Variants in FAM53B observed in about 807,000 individuals in gnomAD.
FAM53B encodes protein FAM53B.
FAM53B carries 12 observed loss-of-function variants against 32.7 expected under a neutral mutation model. The ratio of observed to expected loss-of-function variants is 0.37; its 90% CI spans 0.24 to 0.59. The LOEUF (loss-of-function observed/expected upper bound fraction) is 0.59. Among genes scored for constraint, FAM53B ranks in the 20% least tolerant of loss-of-function variants. The probability of loss-of-function intolerance (pLI) is 0.72; values close to 1 mark genes in which losing one functional copy is unlikely to be tolerated. For missense variants in FAM53B, 477 were observed against 577.7 expected, an observed-to-expected ratio of 0.83 and a Z score of 1.79; for synonymous variants, 234 against 228.7, an observed-to-expected ratio of 1.02 and a Z score of -0.21.
At position 124,681,919 on chromosome 10, in the gene FAM53B, C is replaced by T. The variant is rs1424789362; in HGVS notation, c.594G>A (p.Val198=). 1 of 1,613,984 alleles carries T rather than the reference C, an allele frequency of 6.2e-7. No homozygotes were observed. The highest frequency in any genetic ancestry group is 2.2e-5 in the East Asian group (1 of 44,888). The change falls in exon 4 of 5, where the codon GTG becomes GTA. Residue 198 remains valine (V), a synonymous_variant. Coordinates refer to ENST00000337318, the MANE Select transcript of FAM53B (RefSeq NM_014661.4). The stretch of plus-strand genomic sequence containing the variant: ...CCTGTCCACACGGGGCTGAGCCTGG[C>T]ACCCCTTGGCAGGGCTGCCCTCCAA... The part of the protein sequence containing the change: ...HRFGGQPCQG[V]PGSAPCGQAG...
intron 4 of FAM53B, among the ~76,000 whole-genome samples, chr10:124,674,499 T>C (rs1949725615): frequency 6.6e-6 from 1 of 152,202 alleles, no homozygotes; most frequent in African/African-American, 2.4e-5. Flanking sequence ...TTGTCCAGGA[T>C]GAGGATGGGG....
At chr10:124,705,113 C>A (rs1949944038) in intron 2 of FAM53B, among the ~76,000 whole-genome samples, 1 of 152,224 alleles carries the variant, frequency 6.6e-6, no homozygotes, top group South Asian at 2.1e-4. Flanking sequence ...GAGTCCCTAT[C>A]CTTGCAGCTG....
At chr10:124,740,474 G>C (rs954901054) in intron 1 of FAM53B, among the ~76,000 whole-genome samples, 1 of 152,182 alleles carries the variant, frequency 6.6e-6, no homozygotes, top group Admixed American at 6.5e-5. Flanking sequence ...TTCTAAGCAA[G>C]TCTCAGGGTA....
chr10:124,659,328 A>ATCTT (rs1949614350), intron 4 of FAM53B, among the ~76,000 whole-genome samples: 1 of 152,258 alleles, frequency 6.6e-6, no homozygotes, highest in Non-Finnish European at 1.5e-5. Context: ...AAAGGGAGAG[A>ATCTT]TACAACTGAT....
At chr10:124,719,637 T>C (rs754587833) in intron 1 of FAM53B, among the ~76,000 whole-genome samples, 4 of 152,236 alleles carry the variant, frequency 2.6e-5, no homozygotes, top group Non-Finnish European at 5.9e-5. Context: ...TAGCTGTCAC[T>C]GTCCCCCTAG....
chr10:124,632,738 G>T (rs544582480), intron 4 of FAM53B, among the ~76,000 whole-genome samples: 6 of 152,240 alleles, frequency 3.9e-5, no homozygotes, highest in Admixed American at 1.3e-4. Context: ...AGCCACTCTT[G>T]CAGATGAGCA....
At chr10:124,639,413 T>A (rs1283509387) in intron 4 of FAM53B, among the ~76,000 whole-genome samples, 1 of 152,076 alleles carries the variant, frequency 6.6e-6, no homozygotes, top group Non-Finnish European at 1.5e-5. Context: ...GACACAGAAA[T>A]AGAAAATCTG....
At chr10:124,727,334 G>C (rs1222764300) in intron 1 of FAM53B, among the ~76,000 whole-genome samples, 3 of 131,432 alleles carry the variant, frequency 2.3e-5, no homozygotes, top group East Asian at 2.4e-4. Flanking sequence ...TGATTGTGGG[G>C]GGGGGGGGGG....
intron 4 of FAM53B, among the ~76,000 whole-genome samples, chr10:124,625,432 A>G (rs1248797221): frequency 1.3e-5 from 2 of 152,174 alleles, no homozygotes; most frequent in Non-Finnish European, 1.5e-5. Context: ...CCTCTGGGCC[A>G]TGGTGGGATT....
intron 4 of FAM53B, among the ~76,000 whole-genome samples, chr10:124,653,001 C>CT: frequency 6.6e-6 from 1 of 152,274 alleles, no homozygotes; most frequent in Non-Finnish European, 1.5e-5. Flanking sequence ...CAGGAGGAGA[C>CT]TGTGCTGCCA....
rs139165821 is a variant in FAM53B at position 124,675,827 on chromosome 10, C to T, written c.906+5780G>A. 3.3e-3 allele frequency among the ~76,000 whole-genome samples: 509 copies of T among 152,388 alleles called. 2 individuals carry two copies. The highest frequency in any genetic ancestry group is 6.8e-3 in the Middle Eastern group (2 of 294). ...CCTTCCGAGGTGCCTCACCATGTGA[C>T]TTTGGGCAAGGCCCCAACTCTTCCT... On this transcript the variant is annotated intron_variant, in intron 4 of 4. Transcript: ENST00000337318.
At chr10:124,623,815 C>T (rs1047678363) in intron 4 of FAM53B, 8 of 541,816 alleles carry the variant, frequency 1.5e-5, no homozygotes, top group South Asian at 7.5e-5. Context: ...TAAAGACACG[C>T]GCAATTCCAC....
At chr10:124,638,304 A>G (rs988664228) in intron 4 of FAM53B, among the ~76,000 whole-genome samples, 4 of 152,116 alleles carry the variant, frequency 2.6e-5, no homozygotes, top group African/African-American at 9.7e-5. Flanking sequence ...TGGGAGGCGG[A>G]GCTTGCAGTG....
chr10:124,668,023 T>C (rs1179022852), intron 4 of FAM53B, among the ~76,000 whole-genome samples: 1 of 152,158 alleles, frequency 6.6e-6, no homozygotes, highest in Non-Finnish European at 1.5e-5. Context: ...GGAGCCCAGA[T>C]TCCTCCTAGC....
At position 124,731,612 on chromosome 10, in the gene FAM53B, C is replaced by T. The variant is rs972358689; in HGVS notation, c.-175+12401G>A. Among the ~76,000 whole-genome samples, 3 of 150,506 alleles carry T rather than the reference C, an allele frequency of 2.0e-5. No individual in the cohort carries two copies. In the South Asian group the frequency reaches 6.3e-4, roughly 31 times the overall value. ...TTTTTAAGGAATCTAAGACGTTGAG[C>T]TCTACTAGTTCCTGTTCCAGACACT... On this transcript the variant is annotated intron_variant, in intron 1 of 4. Transcript: ENST00000337318.
chr10:124,667,183 C>T, intron 4 of FAM53B: 1 of 556,730 alleles, frequency 1.8e-6, no homozygotes, highest in Non-Finnish European at 3.2e-6. Context: ...GAAAAAAGAA[C>T]ATAAAATAGT....
Position 124,744,349 on chromosome 10 carries a change from TGCGGCGGCG to T in FAM53B, c.-520_-512del, listed in dbSNP as rs913527863. ...GGCGGCGTGCAGGAGGCAGGCGGCG[TGCGGCGGCG>T]GCGGCAGGCGAGTGTGCAGTGCGCG... On this transcript the variant is annotated 5_prime_UTR_variant, in exon 1 of 5. Transcript: ENST00000337318. The T allele has an allele frequency of 1.4e-5, 2 of 146,156 alleles. No homozygotes were observed. The highest frequency in any genetic ancestry group is 3.0e-5 in the Non-Finnish European group (2 of 66,210). The allele number at this position is 146,156 out of a possible 1,614,324, so 9.1% of individuals were successfully genotyped here.
chr10:124,639,655 T>C (rs986039698), intron 4 of FAM53B, among the ~76,000 whole-genome samples: 3 of 152,190 alleles, frequency 2.0e-5, no homozygotes, highest in African/African-American at 4.8e-5. Flanking sequence ...AACATAACTA[T>C]GAATTTTCTG....
At chr10:124,698,523 G>A in intron 2 of FAM53B, among the ~76,000 whole-genome samples, 1 of 152,156 alleles carries the variant, frequency 6.6e-6, no homozygotes, top group East Asian at 1.9e-4. Context: ...TCTGCCCACA[G>A]AGGCAGCACT....
Sources: allele counts gnomAD v4.1 joint callset (sites outside exome capture counted in the v4.1 genomes callset), GRCh38; gene constraint gnomAD v4.1.1; transcripts MANE v1.5; gene names NCBI Gene and HGNC (gene_info 2026-07-23, HGNC 2026-07-21).